The following CYB5D2 variants were observed in gnomAD, a reference collection of about 807,000 sequenced individuals.
CYB5D2 encodes the protein cytochrome b5 domain containing 2, also known as neuferricin.
Under a neutral mutation model 22.8 loss-of-function variants are expected in CYB5D2, and 23 were observed. The observed-to-expected ratio is 1.01, with a 90% CI of 0.73 to 1.43. CYB5D2 has a LOEUF of 1.43. Ranked by LOEUF, CYB5D2 falls within the 40% of genes most tolerant of loss-of-function variation. The pLI is 0.00. For synonymous variants in CYB5D2, 170 were observed against 152.2 expected, an observed-to-expected ratio of 1.12 and a Z score of -0.86; for missense variants, 373 against 357.2, an observed-to-expected ratio of 1.04 and a Z score of -0.36.
chr17:4,150,180 G>C (rs1299206558), intron 2 of CYB5D2, 149 bp downstream of exon 2: 2 of 976,358 alleles, frequency 2.0e-6, no homozygotes, highest in Non-Finnish European at 3.1e-6. Flanking sequence ...GAATAGGGAT[G>C]AGCCGCCCAG....
In CYB5D2 at chr17:4,154,735, A is replaced by G; in HGVS notation, c.453A>G (p.Val151=). 6.2e-7 allele frequency: 1 copy of G among 1,614,210 alleles called. No homozygotes were observed. Among genetic ancestry groups the G allele is most frequent in the Non-Finnish European group, 8.5e-7 (1 of 1,180,026 alleles). Residue 151 remains valine, a synonymous_variant, in exon 3 of 4, where the codon GTA becomes GTG. Coordinates refer to ENST00000301391, the MANE Select transcript of CYB5D2 (RefSeq NM_144611.4). Reference sequence around the variant, plus strand: ...TGCCCACCCCGGCACTGACCCAGGTAGAAGCTGCGATCACCAGAGGCTTGG... The same window carrying G: ...TGCCCACCCCGGCACTGACCCAGGTGGAAGCTGCGATCACCAGAGGCTTGG... ...DGLPTPALTQ[V]EAAITRGLEA... is the part of the protein sequence containing the mutation.
Position 4,143,958 on chromosome 17 carries a change from C to T in CYB5D2, c.203C>T (p.Ser68Phe), listed in dbSNP as rs764984214. The change falls in exon 1 of 4, where the codon TCC becomes TTC. Residue 68 changes from serine (S) to phenylalanine (F), a missense_variant. Ser to Phe is a radical substitution (Grantham distance 155). Coordinates refer to ENST00000301391, the MANE Select transcript of CYB5D2 (RefSeq NM_144611.4). Reference sequence around the variant, plus strand: ...CTCGGCCGTGTCTACGATGTGTCCTCCGGCCGGAGGCACTACGAGCCTGGG... The same window carrying T: ...CTCGGCCGTGTCTACGATGTGTCCTTCGGCCGGAGGCACTACGAGCCTGGG... ...ALLGRVYDVS[S>F]GRRHYEPGSH... 3.1e-6 allele frequency: 5 copies of T among 1,612,838 alleles called. No homozygotes were observed. Among genetic ancestry groups the T allele is most frequent in the Admixed American group, 1.7e-5 (1 of 60,006 alleles).
chr17:4,149,994 T>C lies in CYB5D2; in HGVS notation c.354T>C (p.Asn118=). The change falls in exon 2 of 4, where the codon AAT becomes AAC. Residue 118 remains asparagine (N), a synonymous_variant. Transcript: ENST00000301391. ...LSAAEMLTLH[N]WLSFYEKNYV... The stretch of plus-strand genomic sequence containing the variant: ...CCGCTGAGATGCTGACACTTCACAA[T>C]TGGCTTTCATTCTATGAGAAGAATT... The C allele has an allele frequency of 6.2e-7, 1 of 1,614,130 alleles. No homozygotes were observed. The highest frequency in any genetic ancestry group is 2.2e-5 in the East Asian group (1 of 44,886).
chr17:4,154,563 A>G (rs1162892956), intron 2 of CYB5D2, 111 bp from the exon 3 acceptor site: 1 of 1,270,120 alleles, frequency 7.9e-7, no homozygotes, highest in East Asian at 2.5e-5. Flanking sequence ...TTCTTATTAA[A>G]CGCGCACCAG....
chr17:4,144,260 T>G (rs1416963365), intron 1 of CYB5D2, among the ~76,000 whole-genome samples: 1 of 152,182 alleles, frequency 6.6e-6, no homozygotes. Flanking sequence ...TTCTGTCTCT[T>G]GTTACCCATT....
chr17:4,150,163 G>A lies in CYB5D2; in HGVS notation c.391+132G>A, dbSNP rs1021565890. ...TGGATTTGTTTTACTTTAAATTCTG[G>A]TCGTTAGAATAGGGATGAGCCGCCC... On this transcript the variant is annotated intron_variant, in intron 2 of 3. Coordinates refer to ENST00000301391, the MANE Select transcript of CYB5D2 (RefSeq NM_144611.4). 31 of 1,225,386 alleles carry A rather than the reference G, an allele frequency of 2.5e-5. No individual in the cohort carries two copies. In the African/African-American group the frequency reaches 4.5e-4, roughly 18 times the overall value. 75.9% of individuals were successfully genotyped at this position (1,225,386 alleles called of 1,614,324 possible). A position where few individuals can be genotyped will look rare whatever the true frequency, so the allele number is the denominator to read the frequency against.
At position 4,143,744 on chromosome 17, in the gene CYB5D2, G is replaced by A. The variant is rs759145320; in HGVS notation, c.-12G>A. On this transcript the variant is annotated 5_prime_UTR_variant, in exon 1 of 4. Transcript: ENST00000301391. ...GCAACCTCGGAAGTGCGGAGCGGGT[G>A]GGCCTATATAGATGTTGAGGTGCGG... 6.2e-7 allele frequency: 1 copy of A among 1,605,226 alleles called. No homozygotes were observed. The highest frequency in any genetic ancestry group is 1.1e-5 in the South Asian group (1 of 90,700).
Position 4,157,310 on chromosome 17 carries a change from TCC to T in CYB5D2, c.*230_*231del. Reference sequence around the variant, plus strand: ...GTACTGGTCAGCTTTTCAACACTATTCCCTTTGACCTACTGGCCATCTTCCTC... The same window carrying T: ...GTACTGGTCAGCTTTTCAACACTATTCTTTGACCTACTGGCCATCTTCCTC... On this transcript the variant is annotated 3_prime_UTR_variant, in exon 4 of 4. Transcript: ENST00000301391. The surrounding 1 kb of genome is among the most constrained non-coding windows in gnomAD (Gnocchi z 4.4). The T allele has an allele frequency of 3.4e-6, 2 of 581,316 alleles. No individual in the cohort carries two copies. Among genetic ancestry groups the T allele is most frequent in the South Asian group, 4.1e-5 (2 of 49,168 alleles). The allele number at this position is 581,316 out of a possible 1,614,324, so 36.0% of individuals were successfully genotyped here. A position where few individuals can be genotyped will look rare whatever the true frequency, so the allele number is the denominator to read the frequency against.
intron 2 of CYB5D2, among the ~76,000 whole-genome samples, chr17:4,151,641 C>T (rs754336082): frequency 7.9e-5 from 12 of 151,654 alleles, no homozygotes; most frequent in African/African-American, 2.7e-4. Flanking sequence ...GAGCCAAGAT[C>T]GCACCACTAC....
At position 4,156,966 on chromosome 17, in the gene CYB5D2, A is replaced by G. The variant is rs779661409; in HGVS notation, c.679A>G (p.Ser227Gly). 61 of 1,612,726 alleles carry G rather than the reference A, an allele frequency of 3.8e-5. No homozygotes were observed. Among genetic ancestry groups the G allele is most frequent in the Non-Finnish European group, 4.9e-5 (58 of 1,180,026 alleles). Residue 227 changes from serine (S) to glycine (G), a missense_variant, in exon 4 of 4, where the codon AGT becomes GGT. Transcript: ENST00000301391. ...CVCVRTTGPPSGQMPDNPPHR... is the reference protein window; with the variant it reads ...CVCVRTTGPPGGQMPDNPPHR... ...GTGTGTGAGAACCACCGGCCCCCCT[A>G]GTGGCCAGATGCCGGACAACCCTCC...
chr17:4,143,441 G>A lies in CYB5D2; in HGVS notation c.-315G>A, dbSNP rs2058912937. On this transcript the variant is annotated 5_prime_UTR_variant, in exon 1 of 4. Coordinates refer to ENST00000301391, the MANE Select transcript of CYB5D2 (RefSeq NM_144611.4). ...CTTGGGAGGCTGAGGCAGGAGAATC[G>A]CTTGAACCCGGGAGGCGGAGGTTGC... is the stretch of plus-strand genomic sequence containing the variant. The A allele has an allele frequency of 9.2e-6, 2 of 217,828 alleles. No individual in the cohort carries two copies. 13.5% of individuals were successfully genotyped at this position (217,828 alleles called of 1,614,324 possible). A position where few individuals can be genotyped will look rare whatever the true frequency, so the allele number is the denominator to read the frequency against.
rs1441565364 is a variant in CYB5D2 at position 4,143,963 on chromosome 17, C to T, written c.208C>T (p.Arg70Trp). ...CCGTGTCTACGATGTGTCCTCCGGCCGGAGGCACTACGAGCCTGGGTCCCA... is the reference window on the plus strand; with the variant it reads ...CCGTGTCTACGATGTGTCCTCCGGCTGGAGGCACTACGAGCCTGGGTCCCA... ...LGRVYDVSSGRRHYEPGSHYS... is the reference protein window; with the variant it reads ...LGRVYDVSSGWRHYEPGSHYS... The change falls in exon 1 of 4, where the codon CGG (arginine) becomes TGG (tryptophan). Residue 70 changes from arginine (R) to tryptophan (W), a missense_variant. Arg to Trp is a moderately radical substitution (Grantham distance 101). Coordinates refer to ENST00000301391, the MANE Select transcript of CYB5D2 (RefSeq NM_144611.4). 8.1e-6 allele frequency: 13 copies of T among 1,612,378 alleles called. 1 individual carries two copies. The highest frequency in any genetic ancestry group is 2.2e-5 in the East Asian group (1 of 44,882).
At chr17:4,154,005 G>C (rs1320368551) in intron 2 of CYB5D2, among the ~76,000 whole-genome samples, 1 of 152,202 alleles carries the variant, frequency 6.6e-6, no homozygotes, top group African/African-American at 2.4e-5. Flanking sequence ...TGTGGCAGGT[G>C]CTGCCTCTGA....
Position 4,156,908 on chromosome 17 carries a change from G to A in CYB5D2, c.621G>A (p.Leu207=), listed in dbSNP as rs769164850. The stretch of plus-strand genomic sequence containing the variant: ...ACTGGATTGGCGTCCCCAGGAAGCT[G>A]TATAAGCCAGGTGCTAAGGAGCCCC... ...SRDWIGVPRK[L]YKPGAKEPRC... Residue 207 remains leucine (L), a synonymous_variant, in exon 4 of 4, where the codon CTG becomes CTA. Transcript: ENST00000301391. 6 of 1,612,848 alleles carry A rather than the reference G, an allele frequency of 3.7e-6. No individual in the cohort carries two copies. Among genetic ancestry groups the A allele is most frequent in the Admixed American group, 3.3e-5 (2 of 60,024 alleles).
At chr17:4,155,455 A>T (rs2059104020) in intron 3 of CYB5D2, among the ~76,000 whole-genome samples, 1 of 152,106 alleles carries the variant, frequency 6.6e-6, no homozygotes, top group South Asian at 2.1e-4. Context: ...ACAGTAACAA[A>T]CAAAAAAAAC....
At chr17:4,152,688 T>C (rs2059071158) in intron 2 of CYB5D2, among the ~76,000 whole-genome samples, 1 of 152,258 alleles carries the variant, frequency 6.6e-6, no homozygotes, top group African/African-American at 2.4e-5. Context: ...GGCCAACTCA[T>C]AGACTGCAGG....
chr17:4,147,461 T>C (rs748575355), intron 1 of CYB5D2, among the ~76,000 whole-genome samples: 1 of 152,230 alleles, frequency 6.6e-6, no homozygotes, highest in Non-Finnish European at 1.5e-5. Flanking sequence ...ATTAATGTAT[T>C]ATTTTTGTGA....
intron 3 of CYB5D2, among the ~76,000 whole-genome samples, chr17:4,155,799 C>T (rs1024349511): frequency 6.6e-6 from 1 of 152,222 alleles, no homozygotes; most frequent in Non-Finnish European, 1.5e-5. Context: ...CTCCCCACAG[C>T]CTTCCCCTGT....
At chr17:4,144,999 G>T (rs187875105) in intron 1 of CYB5D2, among the ~76,000 whole-genome samples, 3 of 152,016 alleles carry the variant, frequency 2.0e-5, no homozygotes, top group Admixed American at 1.3e-4. Context: ...TGTTAGCCAG[G>T]ATGGTCTCGA....
Sources: gnomAD v4.1 joint callset for allele counts (sites outside exome capture counted in the v4.1 genomes callset) on GRCh38, gnomAD v4.1.1 for gene constraint, Gnocchi (gnomAD v3.1) non-coding constraint, MANE v1.5 for transcripts, NCBI Gene and HGNC (gene_info 2026-07-23, HGNC 2026-07-21) for gene names.